Variants in RAG1 observed in about 807,000 individuals in gnomAD.
The protein encoded by RAG1 is recombination activating 1, also known as V(D)J recombination-activating protein 1.
Under a neutral mutation model 62.7 loss-of-function variants are expected in RAG1, and 35 were observed. The observed-to-expected ratio is 0.56, with a 90% CI of 0.43 to 0.74. The LOEUF is 0.74. Among genes scored for constraint, RAG1 ranks in the 30% least tolerant of loss-of-function variants. RAG1 has a pLI of 0.00. For synonymous variants in RAG1, 461 were observed against 470.3 expected, an observed-to-expected ratio of 0.98 and a Z score of 0.26; for missense variants, 1,169 against 1,278.6, an observed-to-expected ratio of 0.91 and a Z score of 1.31.
chr11:36,544,686 T>C (rs753593918), intron 3 of RAG1, among the ~76,000 whole-genome samples: 11 of 152,224 alleles, frequency 7.2e-5, no homozygotes, highest in Non-Finnish European at 1.2e-4. Flanking sequence ...ATGGTTGATG[T>C]GGTCTGGCTA....
chr11:36,543,180 T>C (rs978475126), intron 3 of RAG1, among the ~76,000 whole-genome samples: 3 of 152,212 alleles, frequency 2.0e-5, no homozygotes, highest in African/African-American at 2.4e-5. Context: ...GCTGACCCTC[T>C]CAGGGTCTTA....
intron 2 of RAG1, among the ~76,000 whole-genome samples, chr11:36,535,530 G>A (rs1818578274): frequency 6.6e-6 from 1 of 152,150 alleles, no homozygotes; most frequent in African/African-American, 2.4e-5. Flanking sequence ...AATCACCTGA[G>A]CTCAGGAGTT....
chr11:36,547,975 G>A (rs1228498323), intron 3 of RAG1, among the ~76,000 whole-genome samples: 6 of 152,094 alleles, frequency 3.9e-5, no homozygotes, highest in East Asian at 1.9e-4. Context: ...TTCAACATAC[G>A]CAAATCAATA....
At chr11:36,557,605 C>T (rs1044957209) in intron 3 of RAG1, among the ~76,000 whole-genome samples, 4 of 152,152 alleles carry the variant, frequency 2.6e-5, no homozygotes, top group Non-Finnish European at 4.4e-5. Flanking sequence ...TAGACCGGAG[C>T]TGTTCCTATT....
At chr11:36,566,120 G>T (rs575095350), upstream of RAG1, among the ~76,000 whole-genome samples, 12 of 152,150 alleles carry the variant, frequency 7.9e-5, no homozygotes, top group African/African-American at 2.7e-4. Context: ...TCCCTTATCT[G>T]GTCTGAACCT....
intron 3 of RAG1, among the ~76,000 whole-genome samples, chr11:36,560,617 C>T (rs1850569895): frequency 6.6e-6 from 1 of 152,120 alleles, no homozygotes; most frequent in Non-Finnish European, 1.5e-5. Flanking sequence ...AGCATGATTT[C>T]CTACTCTGGA....
rs984420587 is a variant in RAG1, at chr11:36,557,431, C to T, written c.-411-5954C>T. On this transcript the variant is annotated intron_variant and NMD_transcript_variant, in intron 3 of 9. Transcript: ENST00000534663. ...GGAAAGGGAACTCCCTGACCCCTTGCGCTTCCCAGGTGAGGCAATGCCTCG... is the reference window on the plus strand; with the variant it reads ...GGAAAGGGAACTCCCTGACCCCTTGTGCTTCCCAGGTGAGGCAATGCCTCG... Among the ~76,000 whole-genome samples the T allele has an allele frequency of 7.6e-5, 11 of 144,318 alleles. 1 individual carries two copies. In the South Asian group the frequency reaches 8.8e-4, roughly 12 times the overall value. The allele number at this position is 144,318 out of a possible 152,430, so 94.7% of individuals were successfully genotyped here.
At chr11:36,564,551 C>T (rs370403112), upstream of RAG1, among the ~76,000 whole-genome samples, 87 of 152,284 alleles carry the variant, frequency 5.7e-4, 2 homozygotes, top group South Asian at 0.018. Context: ...TCTTTGCCCA[C>T]ACGGTGGCAC....
At chr11:36,520,985 GT>G (rs1860071255) in intron 2 of RAG1, among the ~76,000 whole-genome samples, 1 of 142,970 alleles carries the variant, frequency 7.0e-6, no homozygotes, top group Admixed American at 7.1e-5. Context: ...TTGAGTTGGA[GT>G]TTTGCTGTTT....
At chr11:36,562,995 A>C (rs964551824) in intron 3 of RAG1, among the ~76,000 whole-genome samples, 5 of 152,114 alleles carry the variant, frequency 3.3e-5, no homozygotes, top group Admixed American at 2.6e-4. Flanking sequence ...CTGGTCATTC[A>C]TTTGTACACA....
At chr11:36,514,088 C>G (rs538476543) in intron 1 of RAG1, among the ~76,000 whole-genome samples, 1 of 152,276 alleles carries the variant, frequency 6.6e-6, no homozygotes, top group South Asian at 2.1e-4. Context: ...CCAAGTAGCC[C>G]TTTAGAAAGG....
chr11:36,558,927 C>T (rs1850541859), intron 3 of RAG1, among the ~76,000 whole-genome samples: 1 of 152,100 alleles, frequency 6.6e-6, no homozygotes, highest in African/African-American at 2.4e-5. Context: ...TGTGTATCTG[C>T]TCTACTAGTG....
intron 1 of RAG1, among the ~76,000 whole-genome samples, chr11:36,570,080 G>T (rs1283081049): frequency 6.6e-6 from 1 of 152,098 alleles, no homozygotes; most frequent in East Asian, 1.9e-4. Context: ...ATTGTTTCCT[G>T]CTTTTTCAAA....
In RAG1 at chr11:36,575,616, C is replaced by A; in HGVS notation, c.2312C>A (p.Ser771Tyr). Residue 771 changes from serine to tyrosine, a missense_variant, in exon 2 of 2, where the codon TCT becomes TAT. Coordinates refer to ENST00000299440, the MANE Select transcript of RAG1 (RefSeq NM_000448.3). The surrounding 1 kb of genome is among the most constrained non-coding windows in gnomAD (Gnocchi z 4.1). Reference protein sequence around the residue: ...EVWRSNPYHESVEELRDRVKG... With the variant: ...EVWRSNPYHEYVEELRDRVKG... ...TGGCGTTCCAACCCTTACCATGAGT[C>A]TGTGGAAGAACTGCGGGATCGGGTG... 1 of 1,614,218 alleles carries A rather than the reference C, an allele frequency of 6.2e-7. No homozygotes were observed. Among genetic ancestry groups the A allele is most frequent in the Non-Finnish European group, 8.5e-7 (1 of 1,180,044 alleles).
intron 3 of RAG1, among the ~76,000 whole-genome samples, chr11:36,551,601 CTTTTT>C (rs199642455): frequency 7.0e-4 from 93 of 133,194 alleles, no homozygotes; most frequent in East Asian, 3.7e-3. Flanking sequence ...TTAATTACTT[CTTTTT>C]TTTTTTTTTT....
At chr11:36,527,600 G>C (rs989883632) in intron 2 of RAG1, among the ~76,000 whole-genome samples, 6 of 152,066 alleles carry the variant, frequency 3.9e-5, no homozygotes, top group Admixed American at 3.9e-4. Flanking sequence ...CTTTAAAGTA[G>C]TTTTTTCCAA....
chr11:36,561,880 G>T (rs998287631), intron 3 of RAG1, among the ~76,000 whole-genome samples: 3 of 152,142 alleles, frequency 2.0e-5, no homozygotes, highest in African/African-American at 7.2e-5. Flanking sequence ...CCGTTTTTCT[G>T]AAGACCCCTG....
rs1175082815 is a variant in RAG1, at chr11:36,574,692, C to G, written c.1388C>G (p.Ser463Cys). ...ELEAIMQGKG[S>C]GLQPAVCLAI... ...GAGGCCATCATGCAGGGAAAGGGCTCTGGCCTGCAGCCAGCTGTTTGCTTG... is the reference window on the plus strand; with the variant it reads ...GAGGCCATCATGCAGGGAAAGGGCTGTGGCCTGCAGCCAGCTGTTTGCTTG... The change falls in exon 2 of 2, where the codon TCT (serine) becomes TGT (cysteine). Residue 463 changes from serine (S) to cysteine (C), a missense_variant. Ser to Cys is a moderately radical substitution (Grantham distance 112). Transcript: ENST00000299440. The G allele has an allele frequency of 1.2e-6, 2 of 1,614,228 alleles. No homozygotes were observed. The highest frequency in any genetic ancestry group is 2.2e-5 in the South Asian group (2 of 91,088).
chr11:36,526,828 A>G (rs1005729348), intron 2 of RAG1, among the ~76,000 whole-genome samples: 35 of 152,160 alleles, frequency 2.3e-4, no homozygotes, highest in African/African-American at 8.2e-4. Flanking sequence ...TTCTCTAATG[A>G]CCAGTGATGA....
Sources: allele counts gnomAD v4.1 joint callset (sites outside exome capture counted in the v4.1 genomes callset), GRCh38; gene constraint gnomAD v4.1.1; non-coding constraint Gnocchi (gnomAD v3.1); transcripts MANE v1.5; gene names NCBI Gene and HGNC (gene_info 2026-07-23, HGNC 2026-07-21).